The following ANKRD6 variants were observed in gnomAD, a reference collection of about 807,000 sequenced individuals.
ANKRD6 encodes the protein ankyrin repeat domain 6, also known as ankyrin repeat domain-containing protein 6.
A neutral mutation model predicts 82.3 loss-of-function variants in ANKRD6; 56 were observed. That is an observed-to-expected ratio of 0.68 (90% CI 0.55 to 0.85). ANKRD6 has a LOEUF of 0.85. Ranked by LOEUF, ANKRD6 falls within the 40% of genes least tolerant of loss-of-function variation. The pLI, the probability that ANKRD6 is intolerant of heterozygous loss-of-function variation, is 0.00. For missense variants in ANKRD6, 852 were observed against 907.6 expected, an observed-to-expected ratio of 0.94 and a Z score of 0.79; for synonymous variants, 347 against 352.1, an observed-to-expected ratio of 0.99 and a Z score of 0.16.
intron 13 of ANKRD6, among the ~76,000 whole-genome samples, chr6:89,625,376 A>G (rs1342320403): frequency 6.6e-6 from 1 of 152,062 alleles, no homozygotes; most frequent in Non-Finnish European, 1.5e-5. Context: ...TTCCCATTGC[A>G]TACAAAATTA....
intron 1 of ANKRD6, among the ~76,000 whole-genome samples, chr6:89,521,224 C>T (rs1463956423): frequency 1.3e-5 from 2 of 152,104 alleles, no homozygotes; most frequent in Non-Finnish European, 2.9e-5. Flanking sequence ...CCAGGAGATG[C>T]CCCTTAACCA....
At chr6:89,591,324 A>T (rs914278973) in intron 2 of ANKRD6, among the ~76,000 whole-genome samples, 3 of 151,584 alleles carry the variant, frequency 2.0e-5, no homozygotes, top group Non-Finnish European at 4.4e-5. Flanking sequence ...AGGCTATAGA[A>T]CTCCTGGGCT....
intron 1 of ANKRD6, among the ~76,000 whole-genome samples, chr6:89,516,577 C>T (rs899285521): frequency 1.3e-4 from 19 of 151,790 alleles, no homozygotes; most frequent in African/African-American, 4.4e-4. Flanking sequence ...TGGGTTCAAG[C>T]GATTCTCCTG....
intron 1 of ANKRD6, among the ~76,000 whole-genome samples, chr6:89,466,246 C>G (rs1172111961): frequency 2.0e-5 from 3 of 152,076 alleles, no homozygotes; most frequent in African/African-American, 7.2e-5. Flanking sequence ...TAGTGTTGAA[C>G]CTTTAGGTGG....
In ANKRD6 at chr6:89,567,052, G is replaced by A. The variant is rs773968750; in HGVS notation, c.76G>A (p.Val26Met). 2.2e-5 allele frequency: 36 copies of A among 1,606,940 alleles called. No homozygotes were observed. The East Asian group carries it at 7.4e-4, about 33-fold the overall frequency. ...TGCGTACAAAGGCCAAACAGAGAAT[G>A]TGGTTCAGCTCATCAACAAGGGCGC... ...VAAYKGQTEN[V>M]VQLINKGARV... Residue 26 changes from valine to methionine, a missense_variant, in exon 2 of 16, where the codon GTG becomes ATG. Val to Met is a conservative substitution (Grantham distance 21). Coordinates refer to ENST00000339746, the MANE Select transcript of ANKRD6 (RefSeq NM_001242809.2).
intron 1 of ANKRD6, among the ~76,000 whole-genome samples, chr6:89,538,709 A>G (rs1784140514): frequency 6.6e-6 from 1 of 152,202 alleles, no homozygotes; most frequent in Non-Finnish European, 1.5e-5. Context: ...TATGGTGGGA[A>G]GTATGGTTAT....
At chr6:89,515,325 A>G (rs1781069654) in intron 1 of ANKRD6, among the ~76,000 whole-genome samples, 3 of 152,230 alleles carry the variant, frequency 2.0e-5, no homozygotes, top group African/African-American at 7.2e-5. Context: ...AGCAAATGCC[A>G]CAAAGGAAAA....
At chr6:89,540,995 G>T (rs1468645549) in intron 1 of ANKRD6, among the ~76,000 whole-genome samples, 6 of 151,998 alleles carry the variant, frequency 3.9e-5, no homozygotes. Flanking sequence ...GTGTCTGTTT[G>T]TATGTCAGTA....
chr6:89,605,175 A>C (rs1401346985), intron 4 of ANKRD6, among the ~76,000 whole-genome samples: 5 of 152,216 alleles, frequency 3.3e-5, no homozygotes, highest in African/African-American at 4.8e-5. Context: ...TGAGGTCAGG[A>C]GTTCAAGACC....
intron 2 of ANKRD6, among the ~76,000 whole-genome samples, chr6:89,582,016 C>T (rs576246197): frequency 6.6e-6 from 1 of 152,318 alleles, no homozygotes; most frequent in East Asian, 1.9e-4. Flanking sequence ...AAGAAAATCT[C>T]AACTGGGAAA....
intron 1 of ANKRD6, among the ~76,000 whole-genome samples, chr6:89,514,482 A>G (rs1030909972): frequency 6.6e-6 from 1 of 152,092 alleles, no homozygotes; most frequent in African/African-American, 2.4e-5. Flanking sequence ...AGACAATTCT[A>G]CTTTTTCCAA....
At chr6:89,536,870 C>G (rs1009826168) in intron 1 of ANKRD6, among the ~76,000 whole-genome samples, 1 of 152,128 alleles carries the variant, frequency 6.6e-6, no homozygotes, top group African/African-American at 2.4e-5. Context: ...GACATCTGTT[C>G]ATTACAACAT....
At chr6:89,593,558 C>G (rs1412281991) in intron 2 of ANKRD6, among the ~76,000 whole-genome samples, 2 of 152,176 alleles carry the variant, frequency 1.3e-5, no homozygotes, top group Non-Finnish European at 2.9e-5. Flanking sequence ...CATTCTAGTG[C>G]TTTGGTCACA....
chr6:89,517,942 A>G (rs893699752), intron 1 of ANKRD6, among the ~76,000 whole-genome samples: 5 of 152,232 alleles, frequency 3.3e-5, no homozygotes, highest in African/African-American at 1.2e-4. Context: ...CCTTGAGAGC[A>G]AAGTCAATGT....
At chr6:89,600,033 T>G (rs1224352610) in intron 3 of ANKRD6, among the ~76,000 whole-genome samples, 1 of 152,076 alleles carries the variant, frequency 6.6e-6, no homozygotes, top group African/African-American at 2.4e-5. Flanking sequence ...TGCAGGACCT[T>G]TGCCAGCAGC....
intron 1 of ANKRD6, among the ~76,000 whole-genome samples, chr6:89,554,234 C>T (rs377757675): frequency 1.4e-4 from 22 of 152,258 alleles, no homozygotes; most frequent in East Asian, 5.8e-4. Flanking sequence ...CTGGTGAGGT[C>T]GCATTGCCTC....
At chr6:89,532,077 C>T (rs1286884276) in intron 1 of ANKRD6, among the ~76,000 whole-genome samples, 1 of 152,150 alleles carries the variant, frequency 6.6e-6, no homozygotes, top group Non-Finnish European at 1.5e-5. Flanking sequence ...TTGGGAGAGG[C>T]TGGTCTTTTT....
At chr6:89,478,749 T>C (rs1776390834) in intron 1 of ANKRD6, among the ~76,000 whole-genome samples, 1 of 115,588 alleles carries the variant, frequency 8.7e-6, no homozygotes, top group African/African-American at 3.9e-5. Context: ...AGAGTGAGAC[T>C]CTGTCTCAAA....
At chr6:89,508,506 G>C (rs941730046) in intron 1 of ANKRD6, among the ~76,000 whole-genome samples, 3 of 152,202 alleles carry the variant, frequency 2.0e-5, no homozygotes, top group African/African-American at 7.2e-5. Flanking sequence ...AGCAGAATGA[G>C]AGCATGGCTC....
Sources: allele counts gnomAD v4.1 joint callset (sites outside exome capture counted in the v4.1 genomes callset), GRCh38; gene constraint gnomAD v4.1.1; transcripts MANE v1.5; gene names NCBI Gene and HGNC (gene_info 2026-07-23, HGNC 2026-07-21).